The following MMEL1 variants were observed in gnomAD, a reference collection of about 807,000 sequenced individuals.
The protein encoded by MMEL1 is membrane metalloendopeptidase like 1.
Under a neutral mutation model 117.1 loss-of-function variants are expected in MMEL1, and 98 were observed. That is an observed-to-expected ratio of 0.84 (90% confidence interval 0.71 to 0.99). MMEL1 has a LOEUF of 0.99. MMEL1 is among the 50% of genes least tolerant of loss of function. MMEL1 has a pLI of 0.00. For missense variants in MMEL1, 1,014 were observed against 1,049.1 expected (o/e 0.97, Z 0.46); for synonymous variants, 390 against 415.1 (o/e 0.94, Z 0.74).
chr1:2,596,206 C>A (rs1033140180), intron 14 of MMEL1, 99 bp from the exon 15 acceptor site: 1 of 1,177,272 alleles, frequency 8.5e-7, no homozygotes, highest in Non-Finnish European at 1.2e-6. Flanking sequence ...CCCGCCGGGG[C>A]AAGGCCCAGG....
rs778844101 is a variant in MMEL1, at chr1:2,590,906, A to G, written c.*84T>C. 21 of 1,121,704 alleles carry G rather than the reference A, an allele frequency of 1.9e-5. No individual in the cohort carries two copies. Among genetic ancestry groups the G allele is most frequent in the Non-Finnish European group, 2.5e-5 (21 of 849,774 alleles). The allele number at this position is 1,121,704 out of a possible 1,614,324, so 69.5% of individuals were successfully genotyped here. On this transcript the variant is annotated 3_prime_UTR_variant, in exon 24 of 24. Transcript: ENST00000378412. Reference sequence around the variant, plus strand: ...CATGGTTGGCCGGGGCGGGACGTACACTGGGTCGCCGCTAGCTGCACCTTC... The same window carrying G: ...CATGGTTGGCCGGGGCGGGACGTACGCTGGGTCGCCGCTAGCTGCACCTTC...
chr1:2,598,562 G>A (rs376850759), intron 12 of MMEL1, 92 bp downstream of exon 12: 13 of 1,570,228 alleles, frequency 8.3e-6, no homozygotes, highest in Admixed American at 1.8e-5. Flanking sequence ...TGCTTCATAG[G>A]GTCCCCTCCT....
rs371545720 is a variant in MMEL1, at chr1:2,609,837, C to T, written c.293-6G>A. ...GTTCTGGAGGATCCTGGCAGCTGCT[C>T]GTCCCCATGGCGTGGAGCAGGGAGA... On this transcript the variant is annotated splice_region_variant and splice_polypyrimidine_tract_variant and intron_variant, in intron 4 of 23. Transcript: ENST00000378412. 56 of 1,600,190 alleles carry T rather than the reference C, an allele frequency of 3.5e-5. No individual in the cohort carries two copies. The highest frequency in any genetic ancestry group is 3.1e-4 in the South Asian group (27 of 88,094).
intron 2 of MMEL1, among the ~76,000 whole-genome samples, chr1:2,621,812 T>C (rs188438380): frequency 1.4e-3 from 219 of 152,334 alleles, no homozygotes; most frequent in Admixed American, 2.9e-3. Context: ...TCCACCTACC[T>C]TGGCCTCCCG....
rs1208023744 is a variant in MMEL1, at chr1:2,595,392, C to T, written c.1501-33G>A. ...GGGAGGAGGGACTGGTCAGTGGGTG[C>T]CCCACTGCGGATGGAGTCAGCCCGG... On this transcript the variant is annotated intron_variant, in intron 15 of 23. Coordinates refer to ENST00000378412, the MANE Select transcript of MMEL1 (RefSeq NM_033467.4). The surrounding 1 kb of genome is among the most constrained non-coding windows in gnomAD (Gnocchi z 4.8). 6.3e-7 allele frequency: 1 copy of T among 1,590,830 alleles called. No homozygotes were observed. The highest frequency in any genetic ancestry group is 8.6e-7 in the Non-Finnish European group (1 of 1,159,642).
chr1:2,592,446 C>T (rs1404517731), intron 21 of MMEL1, among the ~76,000 whole-genome samples: 2 of 33,818 alleles, frequency 5.9e-5, no homozygotes, highest in African/African-American at 6.1e-4. Context: ...GCCATGCTGA[C>T]GCCCCCTCCC....
intron 2 of MMEL1, among the ~76,000 whole-genome samples, chr1:2,624,133 C>T (rs147913884): frequency 6.6e-6 from 1 of 152,300 alleles, no homozygotes; most frequent in Non-Finnish European, 1.5e-5. Context: ...ACCAGAGAGC[C>T]CCCACCTCCA....
At chr1:2,611,172 GCC>G in intron 4 of MMEL1, 107 bp downstream of exon 4, 2 of 1,120,778 alleles carry the variant, frequency 1.8e-6, no homozygotes, top group Non-Finnish European at 2.5e-6. Context: ...TCCACCGCCC[GCC>G]GTGTCTTGGA....
rs1221280888 is a variant in MMEL1, at chr1:2,592,884, G to A, written c.1950C>T (p.Cys650=). 1.2e-6 allele frequency: 2 copies of A among 1,613,824 alleles called. No individual in the cohort carries two copies. Among genetic ancestry groups the A allele is most frequent in the Admixed American group, 3.3e-5 (2 of 60,004 alleles). The part of the protein sequence containing the change: ...STQHFREQSE[C]MIYQYGNYSW... ...AGTAGTTGCCGTACTGGTAGATCAT[G>A]CACTCTGACTGCTCCCGGAAGTGCT... Residue 650 remains cysteine, a synonymous_variant, in exon 20 of 24, where the codon TGC becomes TGT. Transcript: ENST00000378412.
chr1:2,629,050 G>T (rs1638409748), intron 2 of MMEL1, among the ~76,000 whole-genome samples: 1 of 152,056 alleles, frequency 6.6e-6, no homozygotes, highest in Non-Finnish European at 1.5e-5. Context: ...AGGCGGAGGC[G>T]GAGGCGGGCG....
chr1:2,594,037 G>C (rs1352514866), intron 18 of MMEL1, 104 bp from the exon 19 acceptor site: 3 of 1,401,848 alleles, frequency 2.1e-6, no homozygotes, highest in Non-Finnish European at 2.8e-6. Flanking sequence ...TGATCCCACA[G>C]ACCGGGAGGC....
At chr1:2,628,257 G>A (rs1638362861) in intron 2 of MMEL1, among the ~76,000 whole-genome samples, 1 of 152,192 alleles carries the variant, frequency 6.6e-6, no homozygotes, top group Admixed American at 6.5e-5. Context: ...CTGGGCAGCA[G>A]CCACACTGTA....
intron 7 of MMEL1, 63 bp from the exon 8 acceptor site, chr1:2,606,429 T>A (rs528497351): frequency 1.5e-6 from 2 of 1,301,810 alleles, no homozygotes; most frequent in African/African-American, 2.9e-5. Flanking sequence ...CGGCCCCTTG[T>A]CGGTGAATCT....
At chr1:2,594,041 G>A in intron 18 of MMEL1, 108 bp from the exon 19 acceptor site, 1 of 1,361,992 alleles carries the variant, frequency 7.3e-7, no homozygotes, top group Non-Finnish European at 9.8e-7. Context: ...CCCACAGACC[G>A]GGAGGCAGAG....
chr1:2,624,999 C>G (rs1235198355), intron 2 of MMEL1, among the ~76,000 whole-genome samples: 1 of 152,296 alleles, frequency 6.6e-6, no homozygotes, highest in South Asian at 2.1e-4. Flanking sequence ...AACTCACTCA[C>G]TATCACGAGA....
chr1:2,598,863 C>T, intron 11 of MMEL1, 73 bp from the exon 12 acceptor site: 1 of 1,336,498 alleles, frequency 7.5e-7, no homozygotes. Context: ...ATCTAAGAAA[C>T]CCAGCCCCTG....
At chr1:2,598,612 G>A (rs1307444421) in intron 12 of MMEL1, 42 bp downstream of exon 12, 1 of 1,610,520 alleles carries the variant, frequency 6.2e-7, no homozygotes, top group Admixed American at 1.7e-5. Context: ...GAGAGCAGGG[G>A]CAAAGATGCT....
chr1:2,591,974 C>T lies in MMEL1; in HGVS notation c.2121G>A (p.Leu707=). ...EGGKDQQLPG[L]DLTHEQLFFI... ...AGAAGAGCTGCTCATGGGTGAGATC[C>T]AGGCCGGGCAGCTGCTGGTCCTTGC... is the stretch of plus-strand genomic sequence containing the variant. Residue 707 remains leucine, a synonymous_variant, in exon 22 of 24, where the codon CTG becomes CTA. Transcript: ENST00000378412. The T allele has an allele frequency of 1.2e-6, 2 of 1,613,350 alleles. No individual in the cohort carries two copies. The highest frequency in any genetic ancestry group is 8.5e-7 in the Non-Finnish European group (1 of 1,179,856).
intron 8 of MMEL1, among the ~76,000 whole-genome samples, chr1:2,605,917 G>A (rs1015638562): frequency 2.0e-5 from 3 of 152,186 alleles, no homozygotes; most frequent in African/African-American, 7.2e-5. Flanking sequence ...TTTGTTTCGT[G>A]TGTTTCTCTT....
Sources: allele counts gnomAD v4.1 joint callset (sites outside exome capture counted in the v4.1 genomes callset), GRCh38; gene constraint gnomAD v4.1.1; non-coding constraint Gnocchi (gnomAD v3.1); transcripts MANE v1.5; gene names NCBI Gene and HGNC (gene_info 2026-07-23, HGNC 2026-07-21).